DLG2: variants seen among roughly 807,000 people sequenced by gnomAD.
DLG2 encodes discs large MAGUK scaffold protein 2, also known as disks large homolog 2.
Under a neutral mutation model 132.5 loss-of-function variants are expected in DLG2, and 45 were observed. That is an observed-to-expected ratio of 0.34 (90% CI 0.27 to 0.44). The LOEUF (loss-of-function observed/expected upper bound fraction) is 0.44. DLG2 is among the 20% of genes least tolerant of loss of function. The pLI is 1.00. For missense variants in DLG2, 1,045 were observed against 1,196.9 expected (o/e 0.87, Z 1.87); for synonymous variants, 424 against 419.6 (o/e 1.01, Z -0.13).
chr11:83,800,327 A>G (rs1308019680), intron 17 of DLG2, among the ~76,000 whole-genome samples: 1 of 152,212 alleles, frequency 6.6e-6, no homozygotes, highest in Non-Finnish European at 1.5e-5. Flanking sequence ...ATAAACAAAT[A>G]TATTCTATGC....
intron 6 of DLG2, among the ~76,000 whole-genome samples, chr11:84,854,295 C>A (rs2082509184): frequency 1.3e-5 from 2 of 150,966 alleles, no homozygotes; most frequent in African/African-American, 4.8e-5. Flanking sequence ...GTATCTGTGA[C>A]CATGGAAAAG....
At chr11:84,646,592 A>G (rs905553418) in intron 6 of DLG2, among the ~76,000 whole-genome samples, 8 of 152,178 alleles carry the variant, frequency 5.3e-5, no homozygotes, top group African/African-American at 1.9e-4. Context: ...ACCAGAATCC[A>G]AAGCTTCATA....
intron 2 of DLG2, among the ~76,000 whole-genome samples, chr11:85,619,423 C>T (rs903334304): frequency 3.3e-5 from 5 of 151,692 alleles, no homozygotes; most frequent in African/African-American, 1.2e-4. Flanking sequence ...ACAGAAAATG[C>T]AAAAGTTTGA....
At chr11:84,143,825 C>A (rs113248684) in intron 9 of DLG2, among the ~76,000 whole-genome samples, 1,865 of 152,212 alleles carry the variant, frequency 0.012, 34 homozygotes, top group African/African-American at 0.043. Context: ...GGGTTGAACT[C>A]AGAAGCAGCC....
intron 7 of DLG2, among the ~76,000 whole-genome samples, chr11:84,331,484 A>G (rs1373135098): frequency 4.0e-5 from 6 of 151,388 alleles, no homozygotes; most frequent in Non-Finnish European, 8.8e-5. Flanking sequence ...TAAAAGTAAT[A>G]CAAATGAAAC....
At chr11:84,645,739 T>C (rs566210809) in intron 6 of DLG2, among the ~76,000 whole-genome samples, 141 of 152,326 alleles carry the variant, frequency 9.3e-4, no homozygotes, top group Admixed American at 1.6e-3. Flanking sequence ...AGTGCTGGGA[T>C]TACAGGCGTG....
chr11:84,265,693 G>GGTAGTA (rs371461570), intron 7 of DLG2, among the ~76,000 whole-genome samples: 1 of 151,828 alleles, frequency 6.6e-6, no homozygotes, highest in Non-Finnish European at 1.5e-5. Context: ...AAGGAAGATA[G>GGTAGTA]GTAGTAGTAG....
At chr11:84,897,702 G>C (rs944393371) in intron 6 of DLG2, among the ~76,000 whole-genome samples, 1 of 151,826 alleles carries the variant, frequency 6.6e-6, no homozygotes, top group African/African-American at 2.4e-5. Context: ...AAAATTAGAT[G>C]CTGAGTTTTA....
At chr11:85,137,879 C>T (rs2076228298) in intron 5 of DLG2, among the ~76,000 whole-genome samples, 1 of 151,862 alleles carries the variant, frequency 6.6e-6, no homozygotes, top group Non-Finnish European at 1.5e-5. Flanking sequence ...CCAAACTCTC[C>T]AGAGGTAAGT....
chr11:83,560,937 G>T (rs2096599438), intron 19 of DLG2, among the ~76,000 whole-genome samples: 1 of 152,128 alleles, frequency 6.6e-6, no homozygotes, highest in South Asian at 2.1e-4. Flanking sequence ...TTGGCTCACA[G>T]CTCCACAGGC....
At chr11:84,073,401 C>A (rs79127642) in intron 10 of DLG2, among the ~76,000 whole-genome samples, 1,965 of 151,350 alleles carry the variant, frequency 0.013, 26 homozygotes, top group Non-Finnish European at 0.022. Context: ...AATTGATCAC[C>A]AATAATAAGA....
chr11:83,597,074 G>C (rs1209886215), intron 19 of DLG2, among the ~76,000 whole-genome samples: 3 of 152,116 alleles, frequency 2.0e-5, no homozygotes, highest in Non-Finnish European at 2.9e-5. Flanking sequence ...CAGAATAACT[G>C]GGGTTAGTTC....
At chr11:84,703,934 T>C (rs1244094189) in intron 6 of DLG2, among the ~76,000 whole-genome samples, 1 of 145,046 alleles carries the variant, frequency 6.9e-6, no homozygotes, top group African/African-American at 2.6e-5. Context: ...ATATGTATTT[T>C]AGGGTAATAC....
At chr11:84,722,356 G>A (rs375369651) in intron 6 of DLG2, among the ~76,000 whole-genome samples, 29 of 152,218 alleles carry the variant, frequency 1.9e-4, no homozygotes, top group African/African-American at 2.9e-4. Flanking sequence ...AAACTAATAA[G>A]AGCCTCAATA....
At chr11:85,035,817 T>TA (rs967935848) in intron 6 of DLG2, among the ~76,000 whole-genome samples, 8 of 152,172 alleles carry the variant, frequency 5.3e-5, no homozygotes, top group Non-Finnish European at 7.3e-5. Flanking sequence ...TTGATTAAGC[T>TA]AAAAAGAAAC....
chr11:83,980,005 C>A (rs79956807), intron 12 of DLG2, among the ~76,000 whole-genome samples: 1,839 of 152,284 alleles, frequency 0.012, 37 homozygotes, highest in African/African-American at 0.043. Flanking sequence ...CTTTTGAAAT[C>A]TCTTACTCAT....
intron 3 of DLG2, among the ~76,000 whole-genome samples, chr11:85,352,378 T>A (rs771732171): frequency 6.6e-6 from 1 of 152,208 alleles, no homozygotes; most frequent in Non-Finnish European, 1.5e-5. Flanking sequence ...ATTCACTGAT[T>A]TTTTGAAGGG....
At chr11:83,848,292 T>C (rs550947204) in intron 16 of DLG2, among the ~76,000 whole-genome samples, 19 of 152,224 alleles carry the variant, frequency 1.2e-4, no homozygotes, top group East Asian at 5.8e-4. Flanking sequence ...CTGGTACAGA[T>C]TAGGTACAGA....
chr11:84,395,029 T>G (rs1373313135), intron 7 of DLG2, among the ~76,000 whole-genome samples: 1 of 152,236 alleles, frequency 6.6e-6, no homozygotes, highest in Non-Finnish European at 1.5e-5. Context: ...TCACTTCTCA[T>G]ATTTCCCATC....
Sources: gnomAD v4.1 joint callset for allele counts (sites outside exome capture counted in the v4.1 genomes callset) on GRCh38, gnomAD v4.1.1 for gene constraint, MANE v1.5 for transcripts, NCBI Gene and HGNC (gene_info 2026-07-23, HGNC 2026-07-21) for gene names.